RBBP7: variants seen among roughly 807,000 people sequenced by gnomAD.
RBBP7 encodes the protein histone-binding protein RBBP7.
In RBBP7, 5 loss-of-function variants were observed where a neutral mutation model predicts 35.2. The ratio of observed to expected loss-of-function variants is 0.14; its 90% CI spans 0.07 to 0.30. The LOEUF (loss-of-function observed/expected upper bound fraction) is 0.30. Ranked by LOEUF, RBBP7 falls within the 10% of genes least tolerant of loss-of-function variation. The probability of loss-of-function intolerance (pLI) is 1.00; values close to 1 mark genes in which losing one functional copy is unlikely to be tolerated. For synonymous variants in RBBP7, 140 were observed against 118.7 expected, an observed-to-expected ratio of 1.18 and a Z score of -1.17; for missense variants, 155 against 327.5, an observed-to-expected ratio of 0.47 and a Z score of 4.07.
intron 9 of RBBP7, 95 bp from the exon 10 acceptor site, chrX:16,849,396 C>T: frequency 1.3e-6 from 1 of 783,042 alleles, no homozygotes; most frequent in Non-Finnish European, 1.9e-6. Flanking sequence ...AATCTTAAAA[C>T]ATAAACACAC....
intron 3 of RBBP7, among the ~76,000 whole-genome samples, chrX:16,860,323 A>C (rs1234720160): frequency 9.1e-6 from 1 of 109,646 alleles, no homozygotes. Context: ...TACTTTGAAC[A>C]CAGAGTTTTG....
Position 16,845,951 on chromosome X carries a change from C to CA in RBBP7, c.1099-14dup, listed in dbSNP as rs1930066393. Reference sequence around the variant, plus strand: ...CTCCATGAATAAACTGTTACAAGAACAAAAAAAGCTTTGATTTCATATACT... The same window carrying CA: ...CTCCATGAATAAACTGTTACAAGAACAAAAAAAAGCTTTGATTTCATATACT... On this transcript the variant is annotated splice_polypyrimidine_tract_variant and intron_variant, in intron 10 of 11. Transcript: ENST00000380087. The CA allele has an allele frequency of 4.2e-6, 5 of 1,197,599 alleles. No homozygotes were observed. The highest frequency in any genetic ancestry group is 3.5e-5 in the African/African-American group (2 of 56,587).
rs1569065022 is a variant in RBBP7 at position 16,869,999 on chromosome X, CCGCGGCCCCGGCGCGCGCCGCCCCG to C, written c.16+14_16+38del. On this transcript the variant is annotated intron_variant, in intron 1 of 11. Transcript: ENST00000380087. ...CGCGGCCTCGCGCGCCCGCCGCCCC[CCGCGGCCCCGGCGCGCGCCGCCCCG>C]CAGGGCCTCTTACTCTCTTTACTCG... 5.1e-6 allele frequency: 4 copies of C among 778,535 alleles called. 1 individual carries two copies. Among genetic ancestry groups the C allele is most frequent in the East Asian group, 1.1e-4 (1 of 8,769 alleles). The allele number at this position is 778,535 out of a possible 1,213,427, so 64.2% of individuals were successfully genotyped here. A position where few individuals can be genotyped will look rare whatever the true frequency, so the allele number is the denominator to read the frequency against.
intron 2 of RBBP7, among the ~76,000 whole-genome samples, chrX:16,863,819 C>T (rs1930530297): frequency 9.0e-6 from 1 of 111,730 alleles, no homozygotes; most frequent in African/African-American, 3.3e-5. Flanking sequence ...CTTGCCCAAA[C>T]CTCTTGGCAC....
At chrX:16,866,554 A>AAAAAAAAAAAGAAAG (rs1569063906) in intron 2 of RBBP7, among the ~76,000 whole-genome samples, 3 of 57,662 alleles carry the variant, frequency 5.2e-5, no homozygotes, top group African/African-American at 2.2e-4. Flanking sequence ...AAAAAAAAAA[A>AAAAAAAAAAAGAAAG]AAAGAAAGAA....
In RBBP7 at chrX:16,870,201, C is replaced by T. The variant is rs1406697604; in HGVS notation, c.-148G>A. 11 of 736,670 alleles carry T rather than the reference C, an allele frequency of 1.5e-5. No homozygotes were observed. The highest frequency in any genetic ancestry group is 1.8e-5 in the Non-Finnish European group (11 of 601,551). 60.7% of individuals were successfully genotyped at this position (736,670 alleles called of 1,213,427 possible). On this transcript the variant is annotated 5_prime_UTR_variant, in exon 1 of 12. Coordinates refer to ENST00000380087, the MANE Select transcript of RBBP7 (RefSeq NM_002893.4). ...GGCCCCGTCTTGCTGCCTGGGTGCT[C>T]CCCAGACGCCGCGTCCTTCTTTCCT...
At chrX:16,866,271 T>C (rs780865840) in intron 2 of RBBP7, among the ~76,000 whole-genome samples, 1 of 110,549 alleles carries the variant, frequency 9.0e-6, no homozygotes, top group South Asian at 3.8e-4. Flanking sequence ...TCAACACCTG[T>C]AATCCCAGCA....
chrX:16,851,667 C>A (rs1335075607), intron 9 of RBBP7, among the ~76,000 whole-genome samples: 1 of 111,933 alleles, frequency 8.9e-6, no homozygotes, highest in Non-Finnish European at 1.9e-5. Context: ...GTAAATGGTA[C>A]AAAAACCCAG....
intron 11 of RBBP7, among the ~76,000 whole-genome samples, chrX:16,845,411 G>A (rs765558061): frequency 1.8e-5 from 2 of 112,034 alleles, no homozygotes; most frequent in East Asian, 2.8e-4. Flanking sequence ...TGGAAGTCTC[G>A]GTTAACAACA....
intron 2 of RBBP7, 107 bp downstream of exon 2, chrX:16,868,969 T>G (rs1183672083): frequency 1.1e-6 from 1 of 885,186 alleles, no homozygotes; most frequent in African/African-American, 2.0e-5. Flanking sequence ...TGCCACCTCA[T>G]GCAAGGGCTG....
chrX:16,870,157 C>A lies in RBBP7; in HGVS notation c.-104G>T. On this transcript the variant is annotated 5_prime_UTR_variant, in exon 1 of 12. An upstream open reading frame in the 5' UTR gains an earlier in-frame stop. Transcript: ENST00000380087. ...CTGCCTTTCCCAAGCGCGTCACACT[C>A]CCCACTGTCGAAAGCCCGGGCCCCG... The A allele has an allele frequency of 1.0e-6, 1 of 968,049 alleles. No homozygotes were observed. Among genetic ancestry groups the A allele is most frequent in the Non-Finnish European group, 1.3e-6 (1 of 758,547 alleles). 79.8% of individuals were successfully genotyped at this position (968,049 alleles called of 1,213,427 possible). A position where few individuals can be genotyped will look rare whatever the true frequency, so the allele number is the denominator to read the frequency against.
At chrX:16,869,049 A>G in intron 2 of RBBP7, 27 bp downstream of exon 2, 1 of 1,185,181 alleles carries the variant, frequency 8.4e-7, no homozygotes, top group Non-Finnish European at 1.1e-6. Context: ...AAATTTAAAC[A>G]AAATAAAAGT....
In RBBP7 at chrX:16,853,952, G is replaced by A. The variant is rs974808030; in HGVS notation, c.598-110C>T. The stretch of plus-strand genomic sequence containing the variant: ...CTGTCACCCAGGCTGGTGCGATCTC[G>A]GCTCACTGCAGCCTCCGCCTCCAGG... On this transcript the variant is annotated intron_variant, in intron 5 of 11. Coordinates refer to ENST00000380087, the MANE Select transcript of RBBP7 (RefSeq NM_002893.4). 34 of 640,059 alleles carry A rather than the reference G, an allele frequency of 5.3e-5. No homozygotes were observed. The Admixed American group carries it at 9.7e-4, about 18-fold the overall frequency. The allele number at this position is 640,059 out of a possible 1,213,427, so 52.7% of individuals were successfully genotyped here. A position where few individuals can be genotyped will look rare whatever the true frequency, so the allele number is the denominator to read the frequency against.
At chrX:16,869,867 G>A in intron 1 of RBBP7, 171 bp downstream of exon 1, 1 of 836,771 alleles carries the variant, frequency 1.2e-6, no homozygotes, top group Non-Finnish European at 1.4e-6. Flanking sequence ...GGAGCCCTCG[G>A]CGCGGCGGTC....
At chrX:16,852,700 C>G (rs776110763) in intron 7 of RBBP7, 49 bp downstream of exon 7, 7 of 1,210,966 alleles carry the variant, frequency 5.8e-6, no homozygotes, top group Non-Finnish European at 7.8e-6. Context: ...GATTAAGGCA[C>G]AAGAGAACTG....
intron 6 of RBBP7, chrX:16,853,077 C>T (rs754242673): frequency 2.1e-4 from 108 of 506,184 alleles, no homozygotes; most frequent in Non-Finnish European, 5.4e-5. Context: ...GCTGTTAGTC[C>T]TGTTTTTTAA....
chrX:16,848,496 A>G (rs1930137564), intron 10 of RBBP7: 1 of 112,068 alleles, frequency 8.9e-6, no homozygotes, highest in South Asian at 3.7e-4. Flanking sequence ...GACATTCAAT[A>G]TACTCCATAG....
At chrX:16,861,711 G>C (rs73452463) in intron 3 of RBBP7, among the ~76,000 whole-genome samples, 3,652 of 111,523 alleles carry the variant, frequency 0.033, 158 homozygotes, top group African/African-American at 0.11. Context: ...ATAGCGTTAA[G>C]CCATTTGGGA....
chrX:16,845,739 C>A, intron 11 of RBBP7, 89 bp downstream of exon 11: 1 of 1,105,430 alleles, frequency 9.0e-7, no homozygotes, highest in Non-Finnish European at 1.2e-6. Context: ...TAATATGCAC[C>A]TACATATTCG....
Sources: allele counts gnomAD v4.1 joint callset (sites outside exome capture counted in the v4.1 genomes callset), GRCh38; gene constraint gnomAD v4.1.1; transcripts MANE v1.5; gene names NCBI Gene and HGNC (gene_info 2026-07-23, HGNC 2026-07-21).